KIF13B: variants seen among roughly 807,000 people sequenced by gnomAD.
KIF13B encodes kinesin-like protein KIF13B.
A neutral mutation model predicts 222.0 loss-of-function variants in KIF13B; 127 were observed. The observed-to-expected ratio is 0.57, with a 90% confidence interval of 0.50 to 0.66. KIF13B has a LOEUF of 0.66. Ranked by LOEUF, KIF13B falls within the 30% of genes least tolerant of loss-of-function variation. The probability of loss-of-function intolerance (pLI) is 0.00; values close to 1 mark genes in which losing one functional copy is unlikely to be tolerated. For synonymous variants in KIF13B, 976 were observed against 919.0 expected (o/e 1.06, Z -1.12); for missense variants, 2,173 against 2,379.0 (o/e 0.91, Z 1.80).
At chr8:29,125,444 T>C (rs777537266) in intron 26 of KIF13B, among the ~76,000 whole-genome samples, 1 of 152,184 alleles carries the variant, frequency 6.6e-6, no homozygotes, top group Non-Finnish European at 1.5e-5. Flanking sequence ...TCTACTTAAG[T>C]GAAATCACAG....
At position 29,090,455 on chromosome 8, in the gene KIF13B, C is replaced by T. The variant is rs551064919; in HGVS notation, c.4458+2290G>A. On this transcript the variant is annotated intron_variant, in intron 37 of 39. Transcript: ENST00000524189. ...ACAGTCCCAGGAGTGGATCGCGGAC[C>T]GAGGGAAGGGAAGTCAGGCGAAGGA... Among the ~76,000 whole-genome samples the T allele has an allele frequency of 8.5e-5, 13 of 152,170 alleles. No individual in the cohort carries two copies. The South Asian group carries it at 1.5e-3, about 17-fold the overall frequency.
At chr8:29,171,944 G>A (rs1812261730) in intron 10 of KIF13B, among the ~76,000 whole-genome samples, 1 of 151,406 alleles carries the variant, frequency 6.6e-6, no homozygotes, top group Admixed American at 6.6e-5. Flanking sequence ...TTTTAGTAGA[G>A]ATGGGGTTTC....
intron 36 of KIF13B, among the ~76,000 whole-genome samples, chr8:29,094,178 T>C (rs1343312517): frequency 7.0e-6 from 1 of 142,926 alleles, no homozygotes; most frequent in Non-Finnish European, 1.5e-5. Context: ...ACCACATGCA[T>C]CCTTCTCAAA....
At chr8:29,242,436 G>A (rs557890844) in intron 2 of KIF13B, among the ~76,000 whole-genome samples, 1 of 152,256 alleles carries the variant, frequency 6.6e-6, no homozygotes, top group African/African-American at 2.4e-5. Context: ...AAGGCCTAAA[G>A]ATTTAGTCAT....
chr8:29,114,063 C>T (rs532261020), intron 31 of KIF13B, among the ~76,000 whole-genome samples: 1 of 152,138 alleles, frequency 6.6e-6, no homozygotes, highest in Non-Finnish European at 1.5e-5. Flanking sequence ...ATGCTGACTG[C>T]GCTCTTTGCA....
chr8:29,224,313 T>C (rs1360991636), intron 2 of KIF13B, among the ~76,000 whole-genome samples: 1 of 152,162 alleles, frequency 6.6e-6, no homozygotes, highest in African/African-American at 2.4e-5. Flanking sequence ...TCAGTTTTCT[T>C]AAACATCAAT....
chr8:29,213,708 G>C (rs1814338049), intron 2 of KIF13B, among the ~76,000 whole-genome samples: 1 of 152,116 alleles, frequency 6.6e-6, no homozygotes, highest in Admixed American at 6.6e-5. Context: ...TAGTACTTTG[G>C]GAGGCTGAGG....
chr8:29,174,250 A>G (rs1240672346), intron 10 of KIF13B, among the ~76,000 whole-genome samples: 1 of 152,154 alleles, frequency 6.6e-6, no homozygotes, highest in Non-Finnish European at 1.5e-5. Flanking sequence ...TAATTTTTTA[A>G]AGAAACCTAT....
intron 22 of KIF13B, among the ~76,000 whole-genome samples, chr8:29,133,176 T>C (rs566040895): frequency 3.3e-5 from 5 of 152,292 alleles, no homozygotes; most frequent in African/African-American, 9.6e-5. Context: ...GGGGACCCAA[T>C]AGTCCACATT....
intron 1 of KIF13B, among the ~76,000 whole-genome samples, chr8:29,262,660 G>C (rs1368416892): frequency 6.6e-6 from 1 of 151,566 alleles, no homozygotes; most frequent in Non-Finnish European, 1.5e-5. Flanking sequence ...CGAGGGCCGA[G>C]GGCGCCCTCG....
intron 12 of KIF13B, among the ~76,000 whole-genome samples, chr8:29,164,758 T>C (rs1335952900): frequency 1.3e-5 from 2 of 152,136 alleles, no homozygotes; most frequent in East Asian, 3.8e-4. Context: ...AAAGCTACAG[T>C]GTAAATCTAT....
At chr8:29,090,267 T>G (rs1808233908) in intron 37 of KIF13B, among the ~76,000 whole-genome samples, 1 of 152,206 alleles carries the variant, frequency 6.6e-6, no homozygotes, top group Admixed American at 6.5e-5. Flanking sequence ...GTCACACCAC[T>G]GACGACTGTG....
At chr8:29,164,006 T>G (rs1207587645) in intron 12 of KIF13B, among the ~76,000 whole-genome samples, 6 of 152,212 alleles carry the variant, frequency 3.9e-5, no homozygotes, top group Non-Finnish European at 8.8e-5. Flanking sequence ...TCTATAATTT[T>G]AGGGATATGC....
At chr8:29,159,669 C>T (rs546470229) in intron 13 of KIF13B, among the ~76,000 whole-genome samples, 11 of 152,224 alleles carry the variant, frequency 7.2e-5, no homozygotes, top group Non-Finnish European at 1.0e-4. Context: ...AGGGCTTGGC[C>T]GTAGACTAGA....
Position 29,093,075 on chromosome 8 carries a change from A to G in KIF13B, c.4325-197T>C, listed in dbSNP as rs555262003. Among the ~76,000 whole-genome samples the G allele has an allele frequency of 2.0e-5, 3 of 152,316 alleles. No homozygotes were observed. In the South Asian group the frequency reaches 6.2e-4, roughly 32 times the overall value. ...ATAGTAATGTCTCTTTTTCAATTAA[A>G]TAGCAGTAACTGGGGTGCTGCCAAA... On this transcript the variant is annotated intron_variant, in intron 36 of 39. Transcript: ENST00000524189.
chr8:29,120,294 G>C (rs551451811), intron 29 of KIF13B, among the ~76,000 whole-genome samples: 259 of 111,334 alleles, frequency 2.3e-3, no homozygotes, highest in African/African-American at 8.7e-3. Context: ...GTGTCATCTA[G>C]CATTAGGTAT....
intron 2 of KIF13B, among the ~76,000 whole-genome samples, chr8:29,236,968 A>G (rs1312536840): frequency 2.0e-5 from 3 of 152,160 alleles, no homozygotes; most frequent in Admixed American, 6.5e-5. Context: ...AAAAAAATTA[A>G]TAACACCATA....
At chr8:29,178,071 ACT>A (rs1335376965) in intron 8 of KIF13B, among the ~76,000 whole-genome samples, 2 of 152,072 alleles carry the variant, frequency 1.3e-5, no homozygotes, top group Non-Finnish European at 2.9e-5. Flanking sequence ...AATTTATAAA[ACT>A]CTACTAATCC....
intron 3 of KIF13B, among the ~76,000 whole-genome samples, chr8:29,195,204 C>G (rs1175122513): frequency 6.6e-6 from 1 of 152,036 alleles, no homozygotes; most frequent in Non-Finnish European, 1.5e-5. Flanking sequence ...GCCAAGATCA[C>G]GCCACCGCAC....
Sources: allele counts gnomAD v4.1 joint callset (sites outside exome capture counted in the v4.1 genomes callset), GRCh38; gene constraint gnomAD v4.1.1; transcripts MANE v1.5; gene names NCBI Gene and HGNC (gene_info 2026-07-23, HGNC 2026-07-21).